KNTC1: variants seen among roughly 807,000 people sequenced by gnomAD.
KNTC1 encodes kinetochore associated 1.
Under a neutral mutation model 314.4 loss-of-function variants are expected in KNTC1, and 253 were observed. The ratio of observed to expected loss-of-function variants is 0.80; its 90% CI spans 0.73 to 0.89. KNTC1 has a LOEUF of 0.89. Ranked by LOEUF, KNTC1 falls within the 40% of genes least tolerant of loss-of-function variation. The pLI is 0.00. For missense variants in KNTC1, 2,475 were observed against 2,572.9 expected (o/e 0.96, Z 0.82); for synonymous variants, 901 against 901.4 (o/e 1.00, Z 0.01).
At chr12:122,538,242 T>C in intron 3 of KNTC1, 97 bp from the exon 4 acceptor site, 1 of 663,026 alleles carries the variant, frequency 1.5e-6, no homozygotes, top group Non-Finnish European at 2.6e-6. Flanking sequence ...GTAACTTAAG[T>C]AATCGTTGGC....
chr12:122,582,961 T>G lies in KNTC1; in HGVS notation c.3239T>G (p.Ile1080Ser). 6.2e-7 allele frequency: 1 copy of G among 1,610,976 alleles called. No individual in the cohort carries two copies. The highest frequency in any genetic ancestry group is 8.5e-7 in the Non-Finnish European group (1 of 1,178,538). ...TTGAGAGCCTTAAAAGATGGGAACA[T>G]CAAAACAGCACTGAAAAAATGCAGG... ...LTLRALKDGN[I>S]KTALKKCSDL... Residue 1080 changes from isoleucine (I) to serine (S), a missense_variant, in exon 34 of 64, where the codon ATC becomes AGC. By Grantham distance (142) the Ile-to-Ser change is moderately radical (BLOSUM62 -2). Coordinates refer to ENST00000333479, the MANE Select transcript of KNTC1 (RefSeq NM_014708.6).
At chr12:122,600,913 G>T (rs550034749) in intron 44 of KNTC1, among the ~76,000 whole-genome samples, 1 of 152,120 alleles carries the variant, frequency 6.6e-6, no homozygotes, top group South Asian at 2.1e-4. Flanking sequence ...TGATCCACCC[G>T]CCTTGGCCTC....
intron 21 of KNTC1, among the ~76,000 whole-genome samples, chr12:122,568,631 G>A (rs188632882): frequency 1.3e-5 from 2 of 152,330 alleles, no homozygotes; most frequent in East Asian, 3.9e-4. Context: ...GAGGTTGGGA[G>A]TTCGAGACCA....
chr12:122,599,094 A>G (rs1166755260), intron 44 of KNTC1, among the ~76,000 whole-genome samples: 1 of 151,938 alleles, frequency 6.6e-6, no homozygotes, highest in Non-Finnish European at 1.5e-5. Flanking sequence ...GTTATAATTA[A>G]TATCTTCATA....
rs1430034422 is a variant in KNTC1 at position 122,594,327 on chromosome 12, A to T, written c.4297A>T (p.Ile1433Phe). Residue 1433 changes from isoleucine (I) to phenylalanine (F), a missense_variant, in exon 43 of 64, where the codon ATT (isoleucine) becomes TTT (phenylalanine). Transcript: ENST00000333479. ...RQHFLTKKDL[I>F]KALVENIDMD... is the part of the protein sequence containing the mutation. ...ACATTTTCTCACCAAGAAAGACCTC[A>T]TTAAAGCTCTTGTGGAGAATATAGA... 6.2e-7 allele frequency: 1 copy of T among 1,611,592 alleles called. No individual in the cohort carries two copies. Among genetic ancestry groups the T allele is most frequent in the Non-Finnish European group, 8.5e-7 (1 of 1,177,920 alleles).
intron 37 of KNTC1, 89 bp downstream of exon 37, chr12:122,585,863 T>TA: frequency 8.1e-7 from 1 of 1,233,504 alleles, no homozygotes; most frequent in Non-Finnish European, 1.2e-6. Context: ...CTACACACAG[T>TA]AATGTGGGCG....
chr12:122,582,890 A>T lies in KNTC1; in HGVS notation c.3168A>T (p.Ala1056=), dbSNP rs61750347. 1,242 of 1,613,100 alleles carry T rather than the reference A, an allele frequency of 7.7e-4. 14 individuals carry two copies. In the African/African-American group the frequency reaches 0.015, roughly 19 times the overall value. The change falls in exon 34 of 64, where the codon GCA becomes GCT. Residue 1056 remains alanine (A), a synonymous_variant. Transcript: ENST00000333479. ...PSMESKLHRQ[A]LALQMSKQEL... ...TGGAATCAAAGCTGCACAGACAGGC[A>T]CTGGCCCTGCAGATGTCCAAACAAG...
intron 62 of KNTC1, 119 bp downstream of exon 62, chr12:122,622,726 A>G: frequency 2.6e-6 from 2 of 758,712 alleles, no homozygotes; most frequent in Non-Finnish European, 4.0e-6. Context: ...AGGTGGGTGG[A>G]TCACCTGAGG....
chr12:122,623,281 T>A (rs1157427676), intron 62 of KNTC1, among the ~76,000 whole-genome samples: 3 of 152,160 alleles, frequency 2.0e-5, no homozygotes, highest in African/African-American at 7.2e-5. Flanking sequence ...TTAGAAACAA[T>A]AAGCTTCTTG....
chr12:122,531,313 TCTC>T (rs1449799436), intron 2 of KNTC1, among the ~76,000 whole-genome samples: 1 of 152,008 alleles, frequency 6.6e-6, no homozygotes, highest in African/African-American at 2.4e-5. Context: ...TTCAAAAAAT[TCTC>T]CTGTCTCAAT....
At position 122,590,699 on chromosome 12, in the gene KNTC1, C is replaced by T. The variant is rs1476207372; in HGVS notation, c.4092C>T (p.Leu1364=). The change falls in exon 41 of 64, where the codon CTC becomes CTT. Residue 1364 remains leucine (L), a synonymous_variant. Coordinates refer to ENST00000333479, the MANE Select transcript of KNTC1 (RefSeq NM_014708.6). ...ATGTGTTTGAAAATCTCTGGAAGCT[C>T]ATAGATAAAGCATGGCAGAATTACG... ...QKDVFENLWK[L]IDKAWQNYDK... 7.4e-6 allele frequency: 12 copies of T among 1,613,364 alleles called. No homozygotes were observed. The highest frequency in any genetic ancestry group is 1.6e-4 in the Middle Eastern group (1 of 6,082).
At chr12:122,609,705 T>G (rs1292629264) in intron 52 of KNTC1, among the ~76,000 whole-genome samples, 17 of 152,078 alleles carry the variant, frequency 1.1e-4, no homozygotes, top group Non-Finnish European at 1.5e-5. Flanking sequence ...GAAAACTCTT[T>G]CTTAGCTAGG....
At chr12:122,553,427 G>A (rs1363065277) in intron 16 of KNTC1, among the ~76,000 whole-genome samples, 4 of 152,074 alleles carry the variant, frequency 2.6e-5, no homozygotes, top group Non-Finnish European at 5.9e-5. Flanking sequence ...GGCTGAGGGA[G>A]GAAGATTCCT....
At chr12:122,584,523 C>T in intron 35 of KNTC1, 73 bp downstream of exon 35, 1 of 1,157,324 alleles carries the variant, frequency 8.6e-7, no homozygotes, top group Non-Finnish European at 1.2e-6. Context: ...AATGCTGTCT[C>T]TTTACAATTG....
rs1593704425 is a variant in KNTC1, at chr12:122,624,841, C to T, written c.6606+153C>T. ...ATTTTACTTTTTGTGTTAGAGAGTT[C>T]TAAACTAGAAATCAAGAGACCACAG... On this transcript the variant is annotated intron_variant, in intron 63 of 63. Coordinates refer to ENST00000333479, the MANE Select transcript of KNTC1 (RefSeq NM_014708.6). 1.4e-5 allele frequency: 9 copies of T among 662,340 alleles called. No individual in the cohort carries two copies. The East Asian group carries it at 2.8e-4, about 20-fold the overall frequency. 41.0% of individuals were successfully genotyped at this position (662,340 alleles called of 1,614,324 possible). A position where few individuals can be genotyped will look rare whatever the true frequency, so the allele number is the denominator to read the frequency against.
At chr12:122,579,759 C>CA (rs1431668343) in intron 31 of KNTC1, 146 bp from the exon 32 acceptor site, 1 of 605,296 alleles carries the variant, frequency 1.7e-6, no homozygotes. Context: ...CCCTGTATAA[C>CA]GCTCATTAAC....
In KNTC1 at chr12:122,561,898, T is replaced by C. The variant is rs745896886; in HGVS notation, c.1489-23T>C. The stretch of plus-strand genomic sequence containing the variant: ...TAAACAGTAGATATTCTTCTAACTG[T>C]ATTTCTTATTATTCTTACTTAGCTT... On this transcript the variant is annotated intron_variant, in intron 18 of 63. Transcript: ENST00000333479. The C allele has an allele frequency of 5.2e-6, 8 of 1,532,454 alleles. No individual in the cohort carries two copies. The South Asian group carries it at 5.9e-5, about 11-fold the overall frequency. The allele number at this position is 1,532,454 out of a possible 1,614,324, so 94.9% of individuals were successfully genotyped here.
At chr12:122,559,932 A>G (rs967646493) in intron 18 of KNTC1, among the ~76,000 whole-genome samples, 1 of 152,192 alleles carries the variant, frequency 6.6e-6, no homozygotes, top group African/African-American at 2.4e-5. Flanking sequence ...ACATTCGGCC[A>G]TCGTCCATCT....
chr12:122,578,333 C>T (rs1965167267), intron 31 of KNTC1, among the ~76,000 whole-genome samples: 1 of 151,896 alleles, frequency 6.6e-6, no homozygotes, highest in Admixed American at 6.6e-5. Context: ...TCTTGAACTC[C>T]TGAGTTTAAG....
Sources: allele counts gnomAD v4.1 joint callset (sites outside exome capture counted in the v4.1 genomes callset), GRCh38; gene constraint gnomAD v4.1.1; transcripts MANE v1.5; gene names NCBI Gene and HGNC (gene_info 2026-07-23, HGNC 2026-07-21).